The following AGL variants were observed in gnomAD, a reference collection of about 807,000 sequenced individuals.
AGL encodes the protein amylo-alpha-1,6-glucosidase and 4-alpha-glucanotransferase.
Under a neutral mutation model 199.3 loss-of-function variants are expected in AGL, and 128 were observed. The ratio of observed to expected loss-of-function variants is 0.64; its 90% CI spans 0.56 to 0.74. The LOEUF is 0.74. Among genes scored for constraint, AGL ranks in the 30% least tolerant of loss-of-function variants. The pLI is 0.00. For missense variants in AGL, 1,809 were observed against 1,820.8 expected (o/e 0.99, Z 0.12); for synonymous variants, 584 against 594.7 (o/e 0.98, Z 0.26).
In AGL at chr1:99,863,698, C is replaced by T. The variant is rs543569842; in HGVS notation, c.461-688C>T. On this transcript the variant is annotated intron_variant, in intron 4 of 33. Coordinates refer to ENST00000361915, the MANE Select transcript of AGL (RefSeq NM_000642.3). ...TCTCCTGACCTCATGATCCACCTGC[C>T]TCAGCCTCCCAAAGTGCTGGGATTA... Among the ~76,000 whole-genome samples the T allele has an allele frequency of 3.3e-5, 5 of 151,474 alleles. No individual in the cohort carries two copies. The East Asian group carries it at 9.7e-4, about 29-fold the overall frequency.
At chr1:99,916,827 G>A in intron 33 of AGL, 96 bp downstream of exon 33, 2 of 1,320,816 alleles carry the variant, frequency 1.5e-6, no homozygotes, top group Non-Finnish European at 2.1e-6. Context: ...ATTTCTGTAT[G>A]CCCTAGGTAT....
In AGL at chr1:99,892,452, C is replaced by G. The variant is rs1263107500; in HGVS notation, c.3104C>G (p.Thr1035Ser). The G allele has an allele frequency of 6.2e-7, 1 of 1,613,488 alleles. No individual in the cohort carries two copies. Among genetic ancestry groups the G allele is most frequent in the African/African-American group, 1.3e-5 (1 of 74,976 alleles). Reference sequence around the variant, plus strand: ...TACAGCTTTGTTCAGAATGGTTCAACCTTTGTGAAACACCTTTCATTGGGT... The same window carrying G: ...TACAGCTTTGTTCAGAATGGTTCAAGCTTTGTGAAACACCTTTCATTGGGT... ...QMSSFVQNGS[T>S]FVKHLSLGSV... The change falls in exon 24 of 34, where the codon ACC (threonine) becomes AGC (serine). Residue 1035 changes from threonine to serine, a missense_variant. Coordinates refer to ENST00000361915, the MANE Select transcript of AGL (RefSeq NM_000642.3).
At chr1:99,853,865 G>A (rs188034305) in intron 2 of AGL, among the ~76,000 whole-genome samples, 1 of 152,202 alleles carries the variant, frequency 6.6e-6, no homozygotes, top group East Asian at 1.9e-4. Context: ...ACTCCAGCCT[G>A]GGTGACAGAG....
At chr1:99,868,833 T>TG (rs893944467) in intron 5 of AGL, among the ~76,000 whole-genome samples, 8 of 150,118 alleles carry the variant, frequency 5.3e-5, no homozygotes, top group African/African-American at 1.7e-4. Context: ...CTCTTTTTTT[T>TG]TTTTTTTTTG....
At chr1:99,904,417 A>G (rs1025509384) in intron 27 of AGL, among the ~76,000 whole-genome samples, 1 of 152,238 alleles carries the variant, frequency 6.6e-6, no homozygotes, top group African/African-American at 2.4e-5. Flanking sequence ...CCAGTACAGC[A>G]TCAGAGTCAG....
At position 99,921,616 on chromosome 1, in the gene AGL, A is replaced by G. The variant is rs556986901; in HGVS notation, c.4564A>G (p.Ile1522Val). The G allele has an allele frequency of 5.0e-6, 8 of 1,612,268 alleles. No individual in the cohort carries two copies. Among genetic ancestry groups the G allele is most frequent in the African/African-American group, 4.0e-5 (3 of 75,004 alleles). Reference sequence around the variant, plus strand: ...CAGCTGTGAAACACAAGCCTGGTCAATTGCTACTATTCTTGAGACACTTTA... The same window carrying G: ...CAGCTGTGAAACACAAGCCTGGTCAGTTGCTACTATTCTTGAGACACTTTA... The part of the protein sequence containing the change: ...PFSCETQAWS[I>V]ATILETLYDL The change falls in exon 34 of 34, where the codon ATT (isoleucine) becomes GTT (valine). Residue 1522 changes from isoleucine to valine, a missense_variant. By Grantham distance (29) the Ile-to-Val change is conservative (BLOSUM62 3). Transcript: ENST00000361915.
intron 27 of AGL, among the ~76,000 whole-genome samples, chr1:99,904,312 T>C (rs1426100230): frequency 6.6e-6 from 1 of 152,204 alleles, no homozygotes; most frequent in Non-Finnish European, 1.5e-5. Flanking sequence ...TGCATTGTTT[T>C]ATGTTCATGT....
At chr1:99,918,085 T>C (rs1655263777) in intron 33 of AGL, among the ~76,000 whole-genome samples, 1 of 152,240 alleles carries the variant, frequency 6.6e-6, no homozygotes, top group Non-Finnish European at 1.5e-5. Context: ...TGCCTCCTCA[T>C]GATGAATTCT....
intron 2 of AGL, among the ~76,000 whole-genome samples, chr1:99,851,443 A>C (rs1326974787): frequency 6.6e-6 from 1 of 152,222 alleles, no homozygotes; most frequent in Non-Finnish European, 1.5e-5. Context: ...TTACTATTAA[A>C]ACTTGGTAAA....
intron 7 of AGL, 73 bp from the exon 8 acceptor site, chr1:99,874,614 A>C: frequency 7.0e-7 from 1 of 1,422,794 alleles, no homozygotes. Context: ...TAGGCCAAAA[A>C]TTAGAAAATA....
At chr1:99,917,851 C>A (rs1312520358) in intron 33 of AGL, among the ~76,000 whole-genome samples, 1 of 152,062 alleles carries the variant, frequency 6.6e-6, no homozygotes, top group Non-Finnish European at 1.5e-5. Flanking sequence ...TCATCATCAT[C>A]CATTTTGCTT....
chr1:99,882,729 A>G (rs1652148259), intron 17 of AGL, among the ~76,000 whole-genome samples: 1 of 152,188 alleles, frequency 6.6e-6, no homozygotes, highest in Admixed American at 6.5e-5. Flanking sequence ...ACTTACTATT[A>G]TATGTGGCAT....
At chr1:99,879,319 G>T (rs1651817426) in intron 12 of AGL, among the ~76,000 whole-genome samples, 1 of 152,112 alleles carries the variant, frequency 6.6e-6, no homozygotes, top group South Asian at 2.1e-4. Context: ...AGGCACGGTG[G>T]CTCACGCCTG....
Position 99,862,281 on chromosome 1 carries a change from C to T in AGL, c.318C>T (p.Tyr106=), listed in dbSNP as rs376885398. 9 of 1,613,942 alleles carry T rather than the reference C, an allele frequency of 5.6e-6. No homozygotes were observed. Among genetic ancestry groups the T allele is most frequent in the Non-Finnish European group, 6.8e-6 (8 of 1,179,982 alleles). ...LQGNEKSGGG[Y]IVVDPILRVG... ...GAAATGAGAAAAGTGGTGGAGGTTACATAGTTGTGGACCCCATTTTACGTG... is the reference window on the plus strand; with the variant it reads ...GAAATGAGAAAAGTGGTGGAGGTTATATAGTTGTGGACCCCATTTTACGTG... The change falls in exon 4 of 34, where the codon TAC becomes TAT. Residue 106 remains tyrosine, a synonymous_variant. Coordinates refer to ENST00000361915, the MANE Select transcript of AGL (RefSeq NM_000642.3).
chr1:99,863,892 T>A (rs1650284461), intron 4 of AGL, among the ~76,000 whole-genome samples: 1 of 152,116 alleles, frequency 6.6e-6, no homozygotes, highest in Non-Finnish European at 1.5e-5. Flanking sequence ...TCCTCTTGCC[T>A]TGGCCTCCCA....
intron 24 of AGL, among the ~76,000 whole-genome samples, chr1:99,894,356 C>T (rs890028358): frequency 5.9e-5 from 9 of 152,012 alleles, no homozygotes; most frequent in African/African-American, 2.2e-4. Context: ...AAAGACAGAC[C>T]GCATATATTT....
chr1:99,852,397 G>A (rs1649035976), intron 2 of AGL, among the ~76,000 whole-genome samples: 1 of 138,684 alleles, frequency 7.2e-6, no homozygotes, highest in South Asian at 2.3e-4. Flanking sequence ...CTGAGACAGG[G>A]TCTTACTCTG....
Position 99,890,718 on chromosome 1 carries a change from A to G in AGL, c.2813-502A>G, listed in dbSNP as rs1652824477. Among the ~76,000 whole-genome samples the G allele has an allele frequency of 2.0e-5, 3 of 151,974 alleles. No individual in the cohort carries two copies. In the South Asian group the frequency reaches 6.2e-4, roughly 31 times the overall value. Reference sequence around the variant, plus strand: ...AAGTACCTCCTGTTAAATTTTAACAATTCCTTCCAAAGCATGCTTTATTCT... The same window carrying G: ...AAGTACCTCCTGTTAAATTTTAACAGTTCCTTCCAAAGCATGCTTTATTCT... On this transcript the variant is annotated intron_variant, in intron 21 of 33. Transcript: ENST00000361915.
chr1:99,864,694 G>A (rs1650358497), intron 5 of AGL, 105 bp downstream of exon 5: 4 of 1,012,104 alleles, frequency 4.0e-6, no homozygotes, highest in Non-Finnish European at 4.4e-6. Context: ...AAGGAAAGGG[G>A]CTAACATAAA....
Sources: gnomAD v4.1 joint callset for allele counts (sites outside exome capture counted in the v4.1 genomes callset) on GRCh38, gnomAD v4.1.1 for gene constraint, MANE v1.5 for transcripts, NCBI Gene and HGNC (gene_info 2026-07-23, HGNC 2026-07-21) for gene names.